GALNT13: variants seen among roughly 807,000 people sequenced by gnomAD.
The protein encoded by GALNT13 is UDP-GalNAc:polypeptide N-acetylgalactosaminyltransferase 13.
GALNT13 carries 28 observed loss-of-function variants against 64.2 expected under a neutral mutation model. The ratio of observed to expected loss-of-function variants is 0.44; its 90% CI spans 0.32 to 0.60. The LOEUF is 0.60. Ranked by LOEUF, GALNT13 falls within the 20% of genes least tolerant of loss-of-function variation. GALNT13 has a pLI of 0.05. For missense variants in GALNT13, 577 were observed against 669.8 expected, an observed-to-expected ratio of 0.86 and a Z score of 1.53; for synonymous variants, 214 against 224.6, an observed-to-expected ratio of 0.95 and a Z score of 0.42.
intron 3 of GALNT13, among the ~76,000 whole-genome samples, chr2:153,995,281 TAAATA>T (rs1489849136): frequency 2.0e-5 from 3 of 152,156 alleles, no homozygotes; most frequent in Non-Finnish European, 4.4e-5. Flanking sequence ...GCCTATTTAA[TAAATA>T]AAATTGAACT....
the GALNT13 span, among the ~76,000 whole-genome samples, chr2:153,415,042 T>A: frequency 1.9e-4 from 29 of 152,188 alleles, no homozygotes; most frequent in Admixed American, 3.3e-4. Context: ...ACTGGCATGG[T>A]ATTACTTATT....
chr2:154,019,192 C>G (rs926252263), intron 3 of GALNT13, among the ~76,000 whole-genome samples: 1 of 152,060 alleles, frequency 6.6e-6, no homozygotes, highest in African/African-American at 2.4e-5. Flanking sequence ...TCATTCAACC[C>G]TAAGAAACTT....
At chr2:153,491,632 A>C in the GALNT13 span, among the ~76,000 whole-genome samples, 5 of 149,924 alleles carry the variant, frequency 3.3e-5, no homozygotes, top group East Asian at 2.0e-4. Flanking sequence ...TTATTTATTT[A>C]TTTCTTCAGA....
chr2:154,281,575 T>A (rs1443749281), intron 8 of GALNT13, among the ~76,000 whole-genome samples: 1 of 152,152 alleles, frequency 6.6e-6, no homozygotes, highest in Non-Finnish European at 1.5e-5. Flanking sequence ...AATGTTGGCA[T>A]GAGTATTTTG....
intron 3 of GALNT13, among the ~76,000 whole-genome samples, chr2:154,037,241 T>G (rs536169128): frequency 1.3e-5 from 2 of 152,276 alleles, no homozygotes; most frequent in East Asian, 3.9e-4. Context: ...TGTGTGGTGG[T>G]TCTGCCACTT....
At chr2:153,602,634 T>C in the GALNT13 span, among the ~76,000 whole-genome samples, 1 of 151,874 alleles carries the variant, frequency 6.6e-6, no homozygotes, top group Non-Finnish European at 1.5e-5. Context: ...TATCTCTGGC[T>C]GACCTGAAGT....
chr2:153,721,268 T>C, the GALNT13 span, among the ~76,000 whole-genome samples: 1 of 143,914 alleles, frequency 6.9e-6, no homozygotes, highest in Non-Finnish European at 1.5e-5. Context: ...TGCTGAGAGA[T>C]TTTGTCACCA....
chr2:153,556,274 A>T, the GALNT13 span, among the ~76,000 whole-genome samples: 2 of 152,212 alleles, frequency 1.3e-5, no homozygotes, highest in African/African-American at 2.4e-5. Flanking sequence ...TGCCAGTAAG[A>T]TGCAGTTTAA....
At chr2:154,043,455 T>TATATATATATATATACACACAC (rs1341373277) in intron 3 of GALNT13, among the ~76,000 whole-genome samples, 1 of 105,020 alleles carries the variant, frequency 9.5e-6, no homozygotes, top group African/African-American at 4.0e-5. Context: ...TATATATATA[T>TATATATATATATATACACACAC]ACACACATGT....
intron 3 of GALNT13, among the ~76,000 whole-genome samples, chr2:154,126,406 C>T (rs776034038): frequency 1.3e-5 from 2 of 151,910 alleles, no homozygotes; most frequent in African/African-American, 2.4e-5. Flanking sequence ...AAGGCCGAGG[C>T]GGGCAGATCA....
At chr2:153,106,075 A>AC in the GALNT13 span, among the ~76,000 whole-genome samples, 12 of 152,222 alleles carry the variant, frequency 7.9e-5, no homozygotes, top group African/African-American at 2.9e-4. Context: ...CTTTCTAGGC[A>AC]CCCCACAGAC....
intron 3 of GALNT13, among the ~76,000 whole-genome samples, chr2:153,965,258 T>C (rs887711180): frequency 6.6e-6 from 1 of 152,176 alleles, no homozygotes; most frequent in Non-Finnish European, 1.5e-5. Context: ...TATTGCTAAC[T>C]ATACTTGTCC....
At chr2:153,250,783 G>A in the GALNT13 span, among the ~76,000 whole-genome samples, 2 of 152,024 alleles carry the variant, frequency 1.3e-5, no homozygotes, top group Non-Finnish European at 2.9e-5. Context: ...CACAAGAGCA[G>A]AAAACCAAAC....
chr2:153,273,442 T>G, the GALNT13 span, among the ~76,000 whole-genome samples: 1 of 152,190 alleles, frequency 6.6e-6, no homozygotes, highest in East Asian at 1.9e-4. Flanking sequence ...TTAACCTGTC[T>G]TTAGAATAAT....
the GALNT13 span, among the ~76,000 whole-genome samples, chr2:153,288,753 C>T: frequency 1.3e-5 from 2 of 152,090 alleles, no homozygotes; most frequent in South Asian, 4.1e-4. Flanking sequence ...TAAAGTTTAT[C>T]ATAGGTATGC....
intron 4 of GALNT13, among the ~76,000 whole-genome samples, chr2:154,183,637 A>G (rs1051499128): frequency 2.0e-5 from 3 of 152,230 alleles, no homozygotes; most frequent in Admixed American, 6.5e-5. Context: ...ACTTGAGCCC[A>G]GGAAGTAAAG....
chr2:154,285,933 T>C (rs1190563272), intron 8 of GALNT13, among the ~76,000 whole-genome samples: 1 of 152,218 alleles, frequency 6.6e-6, no homozygotes, highest in Non-Finnish European at 1.5e-5. Context: ...CTAAATTTAC[T>C]CCTAAGTATT....
chr2:153,694,103 A>T, the GALNT13 span, among the ~76,000 whole-genome samples: 11 of 152,164 alleles, frequency 7.2e-5, no homozygotes, highest in African/African-American at 2.7e-4. Context: ...GTGAGACTCC[A>T]TCCCAAAAAC....
At chr2:153,920,697 T>G (rs1689695802) in intron 2 of GALNT13, among the ~76,000 whole-genome samples, 1 of 151,868 alleles carries the variant, frequency 6.6e-6, no homozygotes, top group African/African-American at 2.4e-5. Context: ...AAACAGACAA[T>G]CTACAGAATA....
Sources: gnomAD v4.1 joint callset for allele counts (sites outside exome capture counted in the v4.1 genomes callset) on GRCh38, gnomAD v4.1.1 for gene constraint, MANE v1.5 for transcripts, NCBI Gene and HGNC (gene_info 2026-07-23, HGNC 2026-07-21) for gene names.